The following CMC1 variants were observed in gnomAD, a reference collection of about 807,000 sequenced individuals.
CMC1 encodes the protein C-X9-C motif containing 1, also known as COX assembly mitochondrial protein homolog.
CMC1 carries 14 observed loss-of-function variants against 14.1 expected under a neutral mutation model. The ratio of observed to expected loss-of-function variants is 0.99; its 90% CI spans 0.66 to 1.55. The LOEUF is 1.55. Among genes scored for constraint, CMC1 ranks in the 40% most tolerant of loss-of-function variants. The pLI is 0.00. For synonymous variants in CMC1, 50 were observed against 38.4 expected, an observed-to-expected ratio of 1.30 and a Z score of -1.12; for missense variants, 127 against 123.8, an observed-to-expected ratio of 1.03 and a Z score of -0.12.
At chr3:28,289,138 TAC>T (rs1701343054) in intron 2 of CMC1, among the ~76,000 whole-genome samples, 1 of 151,660 alleles carries the variant, frequency 6.6e-6, no homozygotes, top group Non-Finnish European at 1.5e-5. Flanking sequence ...TTAAGACTAA[TAC>T]AGTCTGCAAA....
intron 2 of CMC1, among the ~76,000 whole-genome samples, chr3:28,283,373 G>A (rs1158139110): frequency 6.6e-6 from 1 of 151,682 alleles, no homozygotes; most frequent in Non-Finnish European, 1.5e-5. Context: ...AAAAAAATTA[G>A]CCAGGTGTCA....
At chr3:28,306,605 A>G (rs1702322688) in intron 2 of CMC1, among the ~76,000 whole-genome samples, 1 of 151,872 alleles carries the variant, frequency 6.6e-6, no homozygotes, top group South Asian at 2.1e-4. Flanking sequence ...TAAATATATA[A>G]TAATTGTTGG....
intron 1 of CMC1, among the ~76,000 whole-genome samples, chr3:28,243,221 A>G (rs1211042527): frequency 6.6e-6 from 1 of 151,836 alleles, no homozygotes; most frequent in Non-Finnish European, 1.5e-5. Flanking sequence ...ACGGCCGGCT[A>G]ATTTTTGTAT....
At chr3:28,266,393 T>C (rs1356178349) in intron 2 of CMC1, among the ~76,000 whole-genome samples, 2 of 152,202 alleles carry the variant, frequency 1.3e-5, no homozygotes, top group Admixed American at 6.5e-5. Context: ...AAAAAAATTT[T>C]AGCTTTTGGG....
chr3:28,294,496 A>C lies in CMC1; in HGVS notation c.110-21837A>C, dbSNP rs1054823962. ...TGGATTTGGGAGAATTTTCCAAACTAAGTGGACGAACTTATATAGCTACAT... is the reference window on the plus strand; with the variant it reads ...TGGATTTGGGAGAATTTTCCAAACTCAGTGGACGAACTTATATAGCTACAT... On this transcript the variant is annotated intron_variant, in intron 2 of 3. Coordinates refer to ENST00000466830, the MANE Select transcript of CMC1 (RefSeq NM_182523.2). The C allele has an allele frequency of 1.2e-5, 12 of 966,338 alleles. No homozygotes were observed. The African/African-American group carries it at 2.1e-4, about 17-fold the overall frequency. 59.9% of individuals were successfully genotyped at this position (966,338 alleles called of 1,614,324 possible).
rs1445107986 is a variant in CMC1, at chr3:28,299,373, A to T, written c.110-16960A>T. 2.6e-5 allele frequency among the ~76,000 whole-genome samples: 4 copies of T among 152,130 alleles called. No individual in the cohort carries two copies. The East Asian group carries it at 7.7e-4, about 29-fold the overall frequency. On this transcript the variant is annotated intron_variant, in intron 2 of 3. Transcript: ENST00000466830. ...CCTGATCTTAATCAGGTGAGAATTAATTGAGTTGGAGGTATTAGATATTCA... is the reference window on the plus strand; with the variant it reads ...CCTGATCTTAATCAGGTGAGAATTATTTGAGTTGGAGGTATTAGATATTCA...
At chr3:28,293,507 A>G (rs1048424168) in intron 2 of CMC1, among the ~76,000 whole-genome samples, 6 of 152,172 alleles carry the variant, frequency 3.9e-5, no homozygotes, top group Non-Finnish European at 8.8e-5. Flanking sequence ...TATCAAGAAG[A>G]TACTCATCTT....
chr3:28,250,781 C>G (rs1699090747), intron 1 of CMC1, among the ~76,000 whole-genome samples: 1 of 152,170 alleles, frequency 6.6e-6, no homozygotes, highest in Non-Finnish European at 1.5e-5. Context: ...GTATCATAAA[C>G]ACTATCTTTA....
chr3:28,277,857 T>C (rs1700659404), intron 2 of CMC1, among the ~76,000 whole-genome samples: 1 of 152,074 alleles, frequency 6.6e-6, no homozygotes, highest in Non-Finnish European at 1.5e-5. Context: ...AGCAAAATGA[T>C]TGGAGGCAGA....
chr3:28,255,722 T>TATACACAC (rs1699367891), intron 1 of CMC1, among the ~76,000 whole-genome samples: 1 of 144,356 alleles, frequency 6.9e-6, no homozygotes, highest in East Asian at 2.1e-4. Flanking sequence ...TACATGTACA[T>TATACACAC]ACACACACAC....
chr3:28,324,506 AAAATTCGATAAC>A lies in CMC1; in HGVS notation c.*4879_*4890del. The A allele has an allele frequency of 7.2e-7, 1 of 1,380,194 alleles. No homozygotes were observed. Among genetic ancestry groups the A allele is most frequent in the Non-Finnish European group, 9.5e-7 (1 of 1,048,956 alleles). 85.5% of individuals were successfully genotyped at this position (1,380,194 alleles called of 1,614,324 possible). ...CAGTTTTCATTACATTTGTGATCAT[AAAATTCGATAAC>A]ACTTCACCAATTTGAATTCTAGAAC... On this transcript the variant is annotated 3_prime_UTR_variant, in exon 4 of 4. Coordinates refer to ENST00000466830, the MANE Select transcript of CMC1 (RefSeq NM_182523.2).
chr3:28,280,320 C>T (rs965631385), intron 2 of CMC1, among the ~76,000 whole-genome samples: 5 of 151,672 alleles, frequency 3.3e-5, no homozygotes, highest in Admixed American at 6.6e-5. Context: ...CTGTAGTTTT[C>T]GGTGGTTTGT....
intron 2 of CMC1, among the ~76,000 whole-genome samples, chr3:28,285,881 T>C (rs912519615): frequency 6.6e-6 from 1 of 151,752 alleles, no homozygotes; most frequent in African/African-American, 2.4e-5. Context: ...ATTCTCCTGC[T>C]TCAGCCTCCC....
intron 2 of CMC1, among the ~76,000 whole-genome samples, chr3:28,293,984 G>T (rs1196407246): frequency 6.6e-6 from 1 of 152,002 alleles, no homozygotes; most frequent in Non-Finnish European, 1.5e-5. Flanking sequence ...CATTAAATTT[G>T]AACTATATGG....
At chr3:28,264,343 C>T (rs1399720348) in intron 2 of CMC1, among the ~76,000 whole-genome samples, 1 of 152,100 alleles carries the variant, frequency 6.6e-6, no homozygotes, top group African/African-American at 2.4e-5. Context: ...ACTAGGAACG[C>T]TTTTGTTCCC....
chr3:28,261,381 T>C (rs182369778), intron 1 of CMC1, among the ~76,000 whole-genome samples: 16 of 152,216 alleles, frequency 1.1e-4, no homozygotes, highest in Non-Finnish European at 2.1e-4. Flanking sequence ...GAACGAATGG[T>C]GTTGCATGGC....
chr3:28,295,480 A>C lies in CMC1; in HGVS notation c.110-20853A>C, dbSNP rs535260780. On this transcript the variant is annotated intron_variant, in intron 2 of 3. Coordinates refer to ENST00000466830, the MANE Select transcript of CMC1 (RefSeq NM_182523.2). Reference sequence around the variant, plus strand: ...ATTTACTTCCTTTAAGTTTTTCCCCAAAAATCTCCTTAGAGGGGCCTACCT... The same window carrying C: ...ATTTACTTCCTTTAAGTTTTTCCCCCAAAATCTCCTTAGAGGGGCCTACCT... 8.0e-4 allele frequency among the ~76,000 whole-genome samples: 122 copies of C among 152,220 alleles called. 1 individual carries two copies. The highest frequency in any genetic ancestry group is 2.9e-3 in the African/African-American group (120 of 41,560).
intron 2 of CMC1, among the ~76,000 whole-genome samples, chr3:28,284,662 A>G (rs1176975531): frequency 1.3e-5 from 2 of 152,166 alleles, no homozygotes; most frequent in Non-Finnish European, 2.9e-5. Context: ...TTAAAGTTAC[A>G]TAATTTATTA....
chr3:28,241,625 G>A lies in CMC1; in HGVS notation c.-169G>A, dbSNP rs1318376942. 1 of 1,231,676 alleles carries A rather than the reference G, an allele frequency of 8.1e-7. No homozygotes were observed. The highest frequency in any genetic ancestry group is 1.0e-6 in the Non-Finnish European group (1 of 987,660). The allele number at this position is 1,231,676 out of a possible 1,614,324, so 76.3% of individuals were successfully genotyped here. Reference sequence around the variant, plus strand: ...AACGGGCGGCGGAAGTAGGAGCCTGGGAAGGAAGAGGGAACGGGTCCTGGC... The same window carrying A: ...AACGGGCGGCGGAAGTAGGAGCCTGAGAAGGAAGAGGGAACGGGTCCTGGC... On this transcript the variant is annotated 5_prime_UTR_variant, in exon 1 of 4. Transcript: ENST00000466830.
Sources: gnomAD v4.1 joint callset for allele counts (sites outside exome capture counted in the v4.1 genomes callset) on GRCh38, gnomAD v4.1.1 for gene constraint, MANE v1.5 for transcripts, NCBI Gene and HGNC (gene_info 2026-07-23, HGNC 2026-07-21) for gene names.